Variants in CNTNAP4 observed in about 807,000 individuals in gnomAD.
CNTNAP4 encodes the protein contactin associated protein family member 4, also known as contactin-associated protein-like 4.
Under a neutral mutation model 148.4 loss-of-function variants are expected in CNTNAP4, and 98 were observed. The ratio of observed to expected loss-of-function variants is 0.66; its 90% confidence interval spans 0.56 to 0.78. The LOEUF (loss-of-function observed/expected upper bound fraction) is 0.78, where lower values mean the gene tolerates loss of function less well. CNTNAP4 is among the 30% of genes least tolerant of loss of function. The pLI, the probability that CNTNAP4 is intolerant of heterozygous loss-of-function variation, is 0.00. For missense variants in CNTNAP4, 1,935 were observed against 1,565.6 expected, an observed-to-expected ratio of 1.24 and a Z score of -3.98; for synonymous variants, 730 against 565.1, an observed-to-expected ratio of 1.29 and a Z score of -4.14.
At chr16:76,389,939 T>C (rs1412875721) in intron 3 of CNTNAP4, among the ~76,000 whole-genome samples, 3 of 152,138 alleles carry the variant, frequency 2.0e-5, no homozygotes, top group African/African-American at 7.2e-5. Flanking sequence ...GAAGGCAATT[T>C]CAAGAAATAA....
chr16:76,423,187 C>T (rs963545444), intron 3 of CNTNAP4, among the ~76,000 whole-genome samples: 1 of 152,128 alleles, frequency 6.6e-6, no homozygotes, highest in Non-Finnish European at 1.5e-5. Context: ...TTATAAGATA[C>T]TCAGTTTATG....
At chr16:76,547,321 G>T (rs965457671) in intron 21 of CNTNAP4, among the ~76,000 whole-genome samples, 1 of 152,066 alleles carries the variant, frequency 6.6e-6, no homozygotes, top group Non-Finnish European at 1.5e-5. Context: ...TATTAAAGTT[G>T]TATAAAACCT....
intron 1 of CNTNAP4, among the ~76,000 whole-genome samples, chr16:76,311,978 G>A (rs1567660751): frequency 6.6e-6 from 1 of 152,142 alleles, no homozygotes; most frequent in African/African-American, 2.4e-5. Context: ...CTACTTAAAT[G>A]CCTGTATACT....
chr16:76,309,094 C>G (rs999044595), intron 1 of CNTNAP4, among the ~76,000 whole-genome samples: 1 of 151,988 alleles, frequency 6.6e-6, no homozygotes, highest in African/African-American at 2.4e-5. Flanking sequence ...CATGAGCGAG[C>G]ACACCTGGCC....
At chr16:76,368,718 T>G (rs1479046449) in intron 3 of CNTNAP4, among the ~76,000 whole-genome samples, 1 of 152,164 alleles carries the variant, frequency 6.6e-6, no homozygotes, top group African/African-American at 2.4e-5. Flanking sequence ...AAATACCTAA[T>G]GTAGATGATG....
chr16:76,476,453 G>A (rs1361122323), intron 11 of CNTNAP4, among the ~76,000 whole-genome samples: 1 of 152,114 alleles, frequency 6.6e-6, no homozygotes. Context: ...TGGTTGGAGT[G>A]GGTTGGGGTG....
chr16:76,278,300 G>A (rs576197157), intron 1 of CNTNAP4, among the ~76,000 whole-genome samples: 4 of 152,186 alleles, frequency 2.6e-5, no homozygotes, highest in Non-Finnish European at 4.4e-5. Context: ...TAAGAGCTGT[G>A]CCCTCGCTGC....
chr16:76,373,540 T>C (rs1402810882), intron 3 of CNTNAP4, among the ~76,000 whole-genome samples: 4 of 152,036 alleles, frequency 2.6e-5, no homozygotes. Flanking sequence ...AGAGCCATGG[T>C]TTTAGGAAAA....
At chr16:76,481,559 T>C (rs2081829593) in intron 12 of CNTNAP4, among the ~76,000 whole-genome samples, 1 of 151,846 alleles carries the variant, frequency 6.6e-6, no homozygotes, top group Admixed American at 6.6e-5. Flanking sequence ...CCTGGCTGCA[T>C]TTTAACTGCT....
At chr16:76,458,824 T>C (rs541105034) in intron 8 of CNTNAP4, among the ~76,000 whole-genome samples, 24 of 152,302 alleles carry the variant, frequency 1.6e-4, no homozygotes, top group African/African-American at 5.8e-4. Flanking sequence ...TATTTTCCTC[T>C]GGGTATAGAC....
At chr16:76,350,675 AG>A (rs540275861) in intron 2 of CNTNAP4, among the ~76,000 whole-genome samples, 40 of 152,348 alleles carry the variant, frequency 2.6e-4, no homozygotes, top group African/African-American at 9.1e-4. Context: ...TAATTCAAAA[AG>A]CACTAACTGC....
chr16:76,501,863 G>A (rs1003022638), intron 15 of CNTNAP4, among the ~76,000 whole-genome samples: 3 of 152,168 alleles, frequency 2.0e-5, no homozygotes, highest in East Asian at 3.9e-4. Context: ...GAGGTCAGGA[G>A]ATCGAGACCA....
At position 76,490,497 on chromosome 16, in the gene CNTNAP4, A is replaced by G. The variant is rs140197815; in HGVS notation, c.2080+614A>G. Among the ~76,000 whole-genome samples, 447 of 150,086 alleles carry G rather than the reference A, an allele frequency of 3.0e-3. 2 individuals are homozygous for G. Among genetic ancestry groups the G allele is most frequent in the African/African-American group, 9.8e-3 (404 of 41,236 alleles). ...TCATTATGTCAGAGCCTCTGTTTCC[A>G]CCACATCTGCCTTACAGTAAGCCTT... is the stretch of plus-strand genomic sequence containing the variant. On this transcript the variant is annotated intron_variant, in intron 13 of 23. Transcript: ENST00000611870.
chr16:76,402,999 A>G (rs978519861), intron 3 of CNTNAP4, among the ~76,000 whole-genome samples: 3 of 152,212 alleles, frequency 2.0e-5, no homozygotes, highest in African/African-American at 7.2e-5. Flanking sequence ...TAGCAATGAT[A>G]ACAACATATA....
At chr16:76,319,832 C>G (rs548979461) in intron 2 of CNTNAP4, among the ~76,000 whole-genome samples, 1 of 152,300 alleles carries the variant, frequency 6.6e-6, no homozygotes, top group East Asian at 1.9e-4. Context: ...ATGGCCCTGC[C>G]TGTGGACATC....
At position 76,448,767 on chromosome 16, in the gene CNTNAP4, G is replaced by A. The variant is rs753591313; in HGVS notation, c.743G>A (p.Gly248Asp). The change falls in exon 6 of 24, where the codon GGT becomes GAT. Residue 248 changes from glycine (G) to aspartate (D), a missense_variant and splice_region_variant. Coordinates refer to ENST00000611870, the MANE Select transcript of CNTNAP4 (RefSeq NM_033401.5). ...GCTGTTATTTTTCTCCTCTTCTAAG[G>A]TGAAGCTAAACTGCCTTCCACTTCC... ...RARLFLLINS[G>D]EAKLPSTSTL... is the part of the protein sequence containing the mutation. 1 of 1,599,822 alleles carries A rather than the reference G, an allele frequency of 6.3e-7. No homozygotes were observed. Among genetic ancestry groups the A allele is most frequent in the Admixed American group, 1.7e-5 (1 of 58,114 alleles).
chr16:76,537,993 A>G (rs1321705699), intron 18 of CNTNAP4, 123 bp from the exon 19 acceptor site: 3 of 367,718 alleles, frequency 8.2e-6, no homozygotes, highest in Non-Finnish European at 9.4e-6. Flanking sequence ...ATTTGATTCT[A>G]TTTTGGGGTT....
intron 4 of CNTNAP4, among the ~76,000 whole-genome samples, chr16:76,436,366 A>G (rs891382437): frequency 6.6e-6 from 1 of 152,126 alleles, no homozygotes; most frequent in Non-Finnish European, 1.5e-5. Context: ...GCAAGGTTCC[A>G]TTCTTTTCCA....
At chr16:76,340,639 T>A (rs1964392621) in intron 2 of CNTNAP4, among the ~76,000 whole-genome samples, 2 of 152,202 alleles carry the variant, frequency 1.3e-5, no homozygotes, top group African/African-American at 4.8e-5. Context: ...AATACATATT[T>A]ATAGGGAGTT....
Sources: allele counts gnomAD v4.1 joint callset (sites outside exome capture counted in the v4.1 genomes callset), GRCh38; gene constraint gnomAD v4.1.1; transcripts MANE v1.5; gene names NCBI Gene and HGNC (gene_info 2026-07-23, HGNC 2026-07-21).